Variants in UGT2B7 observed in about 807,000 individuals in gnomAD.
UGT2B7 encodes the protein UDP-glucuronosyltransferase 2B7.
Under a neutral mutation model 51.9 loss-of-function variants are expected in UGT2B7, and 51 were observed. The ratio of observed to expected loss-of-function variants is 0.98; its 90% CI spans 0.78 to 1.24. The LOEUF (loss-of-function observed/expected upper bound fraction) is 1.24, where lower values mean the gene tolerates loss of function less well. Ranked by LOEUF, UGT2B7 falls within the 50% of genes most tolerant of loss-of-function variation. The pLI, the probability that UGT2B7 is intolerant of heterozygous loss-of-function variation, is 0.00. For missense variants in UGT2B7, 727 were observed against 628.4 expected (o/e 1.16, Z -1.68); for synonymous variants, 225 against 211.6 (o/e 1.06, Z -0.55).
chr4:69,099,885 C>G (rs1007165823), intron 2 of UGT2B7, among the ~76,000 whole-genome samples: 3 of 151,950 alleles, frequency 2.0e-5, no homozygotes, highest in Non-Finnish European at 2.9e-5. Context: ...ACCCTGTGGA[C>G]TTGATTAAAA....
intron 1 of UGT2B7, among the ~76,000 whole-genome samples, chr4:69,065,998 A>G (rs957298128): frequency 3.3e-5 from 5 of 152,192 alleles, no homozygotes; most frequent in African/African-American, 1.2e-4. Flanking sequence ...AAATTAGTCA[A>G]GAAAATATAG....
intron 1 of UGT2B7, among the ~76,000 whole-genome samples, chr4:69,063,112 G>A (rs1441067529): frequency 1.3e-5 from 2 of 151,684 alleles, no homozygotes; most frequent in East Asian, 2.0e-4. Flanking sequence ...GAGGTCAGGA[G>A]ATCGAGACCA....
intron 3 of UGT2B7, among the ~76,000 whole-genome samples, chr4:69,106,968 A>G (rs1372381383): frequency 1.3e-5 from 2 of 151,890 alleles, no homozygotes; most frequent in Non-Finnish European, 2.9e-5. Context: ...TTTCTAAGGT[A>G]CTATTTTGGA....
intron 1 of UGT2B7, among the ~76,000 whole-genome samples, chr4:69,064,298 C>T (rs1431837107): frequency 6.6e-6 from 1 of 152,182 alleles, no homozygotes; most frequent in Non-Finnish European, 1.5e-5. Flanking sequence ...TCCCAAAACT[C>T]CTTCAACATA....
At chr4:69,062,767 C>G (rs1718377345) in intron 1 of UGT2B7, among the ~76,000 whole-genome samples, 1 of 152,198 alleles carries the variant, frequency 6.6e-6, no homozygotes, top group Non-Finnish European at 1.5e-5. Context: ...TCTAGTCACA[C>G]CAAGAACTGA....
At chr4:69,102,764 G>C (rs143290833) in intron 2 of UGT2B7, 43 bp from the exon 3 acceptor site, 2 of 1,603,544 alleles carry the variant, frequency 1.2e-6, no homozygotes, top group Non-Finnish European at 1.7e-6. Flanking sequence ...AGTGCCCGCT[G>C]TGCTAATACT....
intron 2 of UGT2B7, among the ~76,000 whole-genome samples, chr4:69,101,317 TAAAAATTTTAGAAAAATTTTATTTAA>T (rs1719411884): frequency 6.6e-6 from 1 of 151,982 alleles, no homozygotes; most frequent in African/African-American, 2.4e-5. Context: ...TATCACAACA[TAAAAATTTTAGAAAAATTTTATTTAA>T]AAAAATTTTT....
chr4:69,060,268 T>G (rs142567014), intron 1 of UGT2B7, among the ~76,000 whole-genome samples: 4 of 152,328 alleles, frequency 2.6e-5, no homozygotes, highest in Non-Finnish European at 4.4e-5. Context: ...GGCTTCTATA[T>G]AAGCCAAAGG....
At chr4:69,058,142 G>A (rs1718250330) in intron 1 of UGT2B7, among the ~76,000 whole-genome samples, 1 of 152,202 alleles carries the variant, frequency 6.6e-6, no homozygotes, top group Non-Finnish European at 1.5e-5. Context: ...TGAGCTGAAA[G>A]TGAAATCTTC....
intron 1 of UGT2B7, among the ~76,000 whole-genome samples, chr4:69,077,928 C>G (rs1040904233): frequency 2.0e-5 from 3 of 152,046 alleles, no homozygotes; most frequent in African/African-American, 7.2e-5. Context: ...TCATAAGAAG[C>G]TCTTATTATT....
chr4:69,063,343 A>G (rs1212306331), intron 1 of UGT2B7, among the ~76,000 whole-genome samples: 1 of 151,374 alleles, frequency 6.6e-6, no homozygotes, highest in African/African-American at 2.4e-5. Flanking sequence ...AAAAAAAGAA[A>G]CACAGTAATT....
intron 3 of UGT2B7, among the ~76,000 whole-genome samples, chr4:69,104,599 A>C (rs1719537415): frequency 6.6e-6 from 1 of 152,176 alleles, no homozygotes; most frequent in African/African-American, 2.4e-5. Flanking sequence ...GGTGTTTTTC[A>C]TTGATAATAA....
chr4:69,071,099 G>T (rs1718590608), intron 1 of UGT2B7, among the ~76,000 whole-genome samples: 2 of 151,962 alleles, frequency 1.3e-5, no homozygotes, highest in Admixed American at 1.3e-4. Flanking sequence ...ATTTGTAATT[G>T]GATGGTAATA....
At chr4:69,066,819 ATG>A (rs1186550707) in intron 1 of UGT2B7, among the ~76,000 whole-genome samples, 1 of 151,916 alleles carries the variant, frequency 6.6e-6, no homozygotes, top group Non-Finnish European at 1.5e-5. Context: ...CTTCCTCCTA[ATG>A]TATAGATGTT....
chr4:69,110,323 A>G, intron 5 of UGT2B7, among the ~76,000 whole-genome samples: 1 of 152,084 alleles, frequency 6.6e-6, no homozygotes, highest in East Asian at 1.9e-4. Context: ...AGTGGAAGTA[A>G]GGGAGGTTAT....
chr4:69,062,746 G>C (rs1718376932), intron 1 of UGT2B7, among the ~76,000 whole-genome samples: 1 of 152,166 alleles, frequency 6.6e-6, no homozygotes, highest in African/African-American at 2.4e-5. Flanking sequence ...TGAGAAAATA[G>C]CAAGCCCTGC....
chr4:69,066,519 C>T (rs1718487098), intron 1 of UGT2B7: 2 of 152,022 alleles, frequency 1.3e-5, no homozygotes, highest in African/African-American at 4.8e-5. Flanking sequence ...ACTTTGGTAA[C>T]AGCATATGAG....
At chr4:69,055,262 T>A (rs1718158414) in intron 1 of UGT2B7, among the ~76,000 whole-genome samples, 1 of 151,162 alleles carries the variant, frequency 6.6e-6, no homozygotes. Context: ...CTGTCAAGAA[T>A]CATATTTTTG....
intron 1 of UGT2B7, among the ~76,000 whole-genome samples, chr4:69,085,230 C>CT (rs1718924184): frequency 6.6e-6 from 1 of 152,162 alleles, no homozygotes; most frequent in East Asian, 1.9e-4. Flanking sequence ...TGATGACGAG[C>CT]TTTTTTTCAT....
Sources: gnomAD v4.1 joint callset for allele counts (sites outside exome capture counted in the v4.1 genomes callset) on GRCh38, gnomAD v4.1.1 for gene constraint, MANE v1.5 for transcripts, NCBI Gene and HGNC (gene_info 2026-07-23, HGNC 2026-07-21) for gene names.